GCSH: variants seen among roughly 807,000 people sequenced by gnomAD.
GCSH encodes the protein glycine cleavage system H protein, mitochondrial.
GCSH carries 15 observed loss-of-function variants against 21.3 expected under a neutral mutation model. The observed-to-expected ratio is 0.70, with a 90% CI of 0.47 to 1.08. GCSH has a LOEUF of 1.08. Among genes scored for constraint, GCSH ranks in the 50% least tolerant of loss-of-function variants. The pLI, the probability that GCSH is intolerant of heterozygous loss-of-function variation, is 0.00. For synonymous variants in GCSH, 59 were observed against 84.5 expected (o/e 0.70, Z 1.66); for missense variants, 179 against 217.5 (o/e 0.82, Z 1.11).
chr16:81,086,426 G>A (rs1289218029), intron 3 of GCSH, among the ~76,000 whole-genome samples: 5 of 152,004 alleles, frequency 3.3e-5, no homozygotes, highest in Non-Finnish European at 5.9e-5. Flanking sequence ...GTGTGGTTGT[G>A]CATGCCTGTA....
intron 1 of GCSH, among the ~76,000 whole-genome samples, chr16:81,094,944 T>A: frequency 6.6e-6 from 1 of 151,640 alleles, no homozygotes; most frequent in Non-Finnish European, 1.5e-5. Flanking sequence ...AATACAAAAC[T>A]CAGCTGGAGG....
At chr16:81,094,508 AAAG>A (rs1047151648) in intron 1 of GCSH, among the ~76,000 whole-genome samples, 5 of 152,166 alleles carry the variant, frequency 3.3e-5, no homozygotes, top group African/African-American at 1.2e-4. Context: ...CCATCTCAAA[AAAG>A]AAGAAAAAAA....
chr16:81,087,944 G>C (rs1039886595), intron 2 of GCSH, among the ~76,000 whole-genome samples: 3 of 152,094 alleles, frequency 2.0e-5, no homozygotes, highest in African/African-American at 7.2e-5. Flanking sequence ...TGGTTGACAT[G>C]GTGAAACCCA....
rs150822945 is a variant in GCSH at position 81,092,773 on chromosome 16, G to A, written c.149-2093C>T. Among the ~76,000 whole-genome samples, 371 of 152,000 alleles carry A rather than the reference G, an allele frequency of 2.4e-3. 7 individuals are homozygous for A. The highest frequency in any genetic ancestry group is 8.2e-3 in the African/African-American group (340 of 41,460). ...AAACAAACAAAAAAAATCCCTGGGC[G>A]TGGTGGCTCATGCCTGTAATCTCAA... On this transcript the variant is annotated intron_variant, in intron 1 of 4. Coordinates refer to ENST00000315467, the MANE Select transcript of GCSH (RefSeq NM_004483.5).
intron 4 of GCSH, 90 bp downstream of exon 4, chr16:81,084,373 G>A (rs756395965): frequency 8.2e-6 from 8 of 971,860 alleles, no homozygotes; most frequent in Non-Finnish European, 1.3e-5. Context: ...AGAAAAAGAT[G>A]AAGTCACAAT....
At chr16:81,085,009 C>G (rs551707528) in intron 3 of GCSH, among the ~76,000 whole-genome samples, 1 of 124,338 alleles carries the variant, frequency 8.0e-6, no homozygotes, top group African/African-American at 3.0e-5. Flanking sequence ...GCCACTGCAC[C>G]TGGCTCTTTT....
Position 81,090,597 on chromosome 16 carries a change from A to G in GCSH, c.228+4T>C, listed in dbSNP as rs1481646782. 1.3e-6 allele frequency: 2 copies of G among 1,563,648 alleles called. No individual in the cohort carries two copies. The highest frequency in any genetic ancestry group is 1.1e-5 in the South Asian group (1 of 90,048). ...GGGACAAATATTTCAATATAATCCA[A>G]TACCTGTGCAAAATTGCTGATTCCC... On this transcript the variant is annotated splice_donor_region_variant and intron_variant, in intron 2 of 4. Transcript: ENST00000315467.
In GCSH at chr16:81,087,680, C is replaced by T. The variant is rs761566783; in HGVS notation, c.229-16G>A. 6.3e-7 allele frequency: 1 copy of T among 1,590,838 alleles called. No homozygotes were observed. Among genetic ancestry groups the T allele is most frequent in the Admixed American group, 1.7e-5 (1 of 59,940 alleles). ...CCAACGCTTCCTAAATAAAACAAGA[C>T]AAAACCAAAAATCTCTAAGAAGTTA... On this transcript the variant is annotated splice_polypyrimidine_tract_variant and intron_variant, in intron 2 of 4. Coordinates refer to ENST00000315467, the MANE Select transcript of GCSH (RefSeq NM_004483.5).
chr16:81,087,632 G>A lies in GCSH; in HGVS notation c.261C>T (p.Leu87=). ...TGTTCAATTTTGTCCCAACTTCAGG[G>A]AGACTACAATAAACAACATCTCCCA... is the stretch of plus-strand genomic sequence containing the variant. ...EALGDVVYCS[L]PEVGTKLNKQ... Residue 87 remains leucine (L), a synonymous_variant, in exon 3 of 5, where the codon CTC becomes CTT. Transcript: ENST00000315467. 1 of 1,612,020 alleles carries A rather than the reference G, an allele frequency of 6.2e-7. No individual in the cohort carries two copies. The highest frequency in any genetic ancestry group is 8.5e-7 in the Non-Finnish European group (1 of 1,178,588).
chr16:81,093,483 T>TC (rs1972440462), intron 1 of GCSH, among the ~76,000 whole-genome samples: 1 of 152,094 alleles, frequency 6.6e-6, no homozygotes, highest in African/African-American at 2.4e-5. Context: ...CTCAAACATT[T>TC]GGGTGTAAAG....
intron 4 of GCSH, chr16:81,083,984 T>C (rs79832284): frequency 6.2e-6 from 1 of 161,256 alleles, no homozygotes; most frequent in East Asian, 1.8e-4. Context: ...GATTTTTTTT[T>C]CTTTTTTTGA....
At chr16:81,087,265 C>T (rs1409438954) in intron 3 of GCSH, among the ~76,000 whole-genome samples, 1 of 152,096 alleles carries the variant, frequency 6.6e-6, no homozygotes, top group African/African-American at 2.4e-5. Flanking sequence ...GTGGCTCACA[C>T]TTGTAATCTC....
chr16:81,096,292 C>G lies in GCSH; in HGVS notation c.-14G>C. The G allele has an allele frequency of 1.5e-6, 2 of 1,364,686 alleles. No homozygotes were observed. The highest frequency in any genetic ancestry group is 1.5e-5 in the African/African-American group (1 of 65,618). 84.5% of individuals were successfully genotyped at this position (1,364,686 alleles called of 1,614,324 possible). ...TCGCAGCGCCATGTTCGCAGGGGTG[C>G]GGGGGTCGCAGCGCTACGCCTCGGC... On this transcript the variant is annotated 5_prime_UTR_variant, in exon 1 of 5. Transcript: ENST00000315467.
In GCSH at chr16:81,082,315, C is replaced by G. The variant is rs1567585669; in HGVS notation, c.*551G>C. 2.3e-6 allele frequency: 1 copy of G among 443,340 alleles called. No homozygotes were observed. Among genetic ancestry groups the G allele is most frequent in the Non-Finnish European group, 4.5e-6 (1 of 221,102 alleles). 27.5% of individuals were successfully genotyped at this position (443,340 alleles called of 1,614,324 possible). A position where few individuals can be genotyped will look rare whatever the true frequency, so the allele number is the denominator to read the frequency against. On this transcript the variant is annotated 3_prime_UTR_variant, in exon 5 of 5. Transcript: ENST00000315467. ...ACTAAATGAAATATTAACATCAAAA[C>G]AAACATGATTAACGAAGAAGTATTT...
intron 3 of GCSH, among the ~76,000 whole-genome samples, chr16:81,086,335 C>G (rs1972277994): frequency 6.6e-6 from 1 of 152,010 alleles, no homozygotes; most frequent in Non-Finnish European, 1.5e-5. Flanking sequence ...GAGTTCAAGA[C>G]CAGCCTGGCC....
At chr16:81,084,441 G>T in intron 4 of GCSH, 22 bp downstream of exon 4, 1 of 1,590,872 alleles carries the variant, frequency 6.3e-7, no homozygotes, top group Non-Finnish European at 8.6e-7. Context: ...AATTCCTTGA[G>T]AAATTTCTAG....
At chr16:81,095,025 G>A (rs1424427054) in intron 1 of GCSH, among the ~76,000 whole-genome samples, 1 of 151,848 alleles carries the variant, frequency 6.6e-6, no homozygotes, top group Non-Finnish European at 1.5e-5. Context: ...TCTGGGAGGT[G>A]GCGCTTGCAG....
At chr16:81,087,311 A>G (rs8177915) in intron 3 of GCSH, among the ~76,000 whole-genome samples, 5,634 of 152,176 alleles carry the variant, frequency 0.037, 278 homozygotes, top group African/African-American at 0.12. Flanking sequence ...GGATCACTCG[A>G]GGTCAGGAGT....
Position 81,087,669 on chromosome 16 carries a change from A to G in GCSH, c.229-5T>C. ...AACAACATCTCCCAACGCTTCCTAA[A>G]TAAAACAAGACAAAACCAAAAATCT... On this transcript the variant is annotated splice_region_variant and splice_polypyrimidine_tract_variant and intron_variant, in intron 2 of 4. Coordinates refer to ENST00000315467, the MANE Select transcript of GCSH (RefSeq NM_004483.5). The G allele has an allele frequency of 3.7e-6, 6 of 1,609,754 alleles. No individual in the cohort carries two copies. Among genetic ancestry groups the G allele is most frequent in the Non-Finnish European group, 5.1e-6 (6 of 1,176,434 alleles).
Sources: allele counts gnomAD v4.1 joint callset (sites outside exome capture counted in the v4.1 genomes callset), GRCh38; gene constraint gnomAD v4.1.1; transcripts MANE v1.5; gene names NCBI Gene and HGNC (gene_info 2026-07-23, HGNC 2026-07-21).